Variants in FLVCR1 observed in about 807,000 individuals in gnomAD.
The protein encoded by FLVCR1 is choline/ethanolamine transporter FLVCR1.
In FLVCR1, 34 loss-of-function variants were observed where a neutral mutation model predicts 53.6. The ratio of observed to expected loss-of-function variants is 0.63; its 90% CI spans 0.48 to 0.84. The LOEUF is 0.84. FLVCR1 is among the 40% of genes least tolerant of loss of function. The probability of loss-of-function intolerance (pLI) is 0.00; values close to 1 mark genes in which losing one functional copy is unlikely to be tolerated. For synonymous variants in FLVCR1, 300 were observed against 286.3 expected (o/e 1.05, Z -0.48); for missense variants, 677 against 696.7 (o/e 0.97, Z 0.32).
chr1:212,898,872 C>T lies in FLVCR1; in HGVS notation c.*3582C>T, dbSNP rs2102581843. Reference sequence around the variant, plus strand: ...ATGGTACTGTATTGAATACTGTAGGCAACTGTAACACAATGGTATCTGTGT... The same window carrying T: ...ATGGTACTGTATTGAATACTGTAGGTAACTGTAACACAATGGTATCTGTGT... On this transcript the variant is annotated 3_prime_UTR_variant, in exon 10 of 10. Transcript: ENST00000366971. 6.6e-6 allele frequency: 1 copy of T among 152,286 alleles called. No individual in the cohort carries two copies. Among genetic ancestry groups the T allele is most frequent in the South Asian group, 2.1e-4 (1 of 4,832 alleles). The allele number at this position is 152,286 out of a possible 1,614,324, so 9.4% of individuals were successfully genotyped here.
At position 212,865,485 on chromosome 1, in the gene FLVCR1, A is replaced by ATTTTTTTTTTTTT. The variant is rs58544929; in HGVS notation, c.883+1619_883+1631dup. Among the ~76,000 whole-genome samples, 376 of 133,518 alleles carry ATTTTTTTTTTTTT rather than the reference A, an allele frequency of 2.8e-3. 4 individuals carry two copies. The highest frequency in any genetic ancestry group is 4.1e-3 in the East Asian group (18 of 4,408). 87.6% of individuals were successfully genotyped at this position (133,518 alleles called of 152,430 possible). Reference sequence around the variant, plus strand: ...AATGGACCTTCCATTTGCAATAGGGATTTTTTTTTTTTTTTGAGACAGAGT... The same window carrying ATTTTTTTTTTTTT: ...AATGGACCTTCCATTTGCAATAGGGATTTTTTTTTTTTTTTTTTTTTTTTTTTTGAGACAGAGT... On this transcript the variant is annotated intron_variant, in intron 2 of 9. Coordinates refer to ENST00000366971, the MANE Select transcript of FLVCR1 (RefSeq NM_014053.4).
chr1:212,878,468 G>A (rs1038269171), intron 3 of FLVCR1, among the ~76,000 whole-genome samples: 3 of 148,356 alleles, frequency 2.0e-5, no homozygotes, highest in African/African-American at 5.0e-5. Flanking sequence ...CAGTAAGTCC[G>A]CTTGCAGTGA....
At chr1:212,867,312 A>G (rs1664467156) in intron 2 of FLVCR1, among the ~76,000 whole-genome samples, 1 of 152,230 alleles carries the variant, frequency 6.6e-6, no homozygotes, top group Admixed American at 6.5e-5. Flanking sequence ...ACTCTATTAT[A>G]GCCTCAAACA....
chr1:212,885,821 G>A (rs1441352373), intron 5 of FLVCR1, among the ~76,000 whole-genome samples: 3 of 151,960 alleles, frequency 2.0e-5, no homozygotes, highest in Non-Finnish European at 4.4e-5. Context: ...AAAGTGCTGG[G>A]ATTACAGGCG....
rs2201603 is a variant in FLVCR1, at chr1:212,858,367, C to T, written c.-86C>T. 0.53 allele frequency: 676,022 copies of T among 1,282,922 alleles called. 181,883 individuals are homozygous for T. Among genetic ancestry groups the T allele is most frequent in the East Asian group, 0.55 (20,494 of 37,212 alleles). The allele number at this position is 1,282,922 out of a possible 1,614,324, so 79.5% of individuals were successfully genotyped here. On this transcript the variant is annotated 5_prime_UTR_variant, in exon 1 of 10. Coordinates refer to ENST00000366971, the MANE Select transcript of FLVCR1 (RefSeq NM_014053.4). Reference sequence around the variant, plus strand: ...GTGGGCCGAGGGGTTGGAGGTGGGGCCCCAGGAGGACCTCGGGCTGTGGGC... The same window carrying T: ...GTGGGCCGAGGGGTTGGAGGTGGGGTCCCAGGAGGACCTCGGGCTGTGGGC...
At chr1:212,862,258 C>T (rs1489085977) in intron 1 of FLVCR1, among the ~76,000 whole-genome samples, 1 of 152,194 alleles carries the variant, frequency 6.6e-6, no homozygotes, top group Non-Finnish European at 1.5e-5. Context: ...ACTGTTACTT[C>T]TGTCTAGTTT....
intron 3 of FLVCR1, 91 bp downstream of exon 3, chr1:212,872,909 A>G (rs75978874): frequency 1.0e-4 from 146 of 1,392,140 alleles, no homozygotes; most frequent in Middle Eastern, 1.8e-4. Context: ...TTGAACTTCA[A>G]TGAGATTGGC....
chr1:212,893,711 CA>C (rs1477455956), intron 8 of FLVCR1, among the ~76,000 whole-genome samples: 1 of 152,202 alleles, frequency 6.6e-6, no homozygotes, highest in Non-Finnish European at 1.5e-5. Context: ...CCTCCACCAG[CA>C]AAAAGATAAC....
intron 2 of FLVCR1, among the ~76,000 whole-genome samples, chr1:212,868,500 G>C (rs1008678595): frequency 9.2e-5 from 14 of 152,134 alleles, no homozygotes; most frequent in Middle Eastern, 3.2e-3. Flanking sequence ...CGCAACCTCT[G>C]CCTCCCGGAT....
intron 1 of FLVCR1, among the ~76,000 whole-genome samples, chr1:212,861,521 A>G (rs948059705): frequency 6.6e-6 from 1 of 152,156 alleles, no homozygotes; most frequent in Non-Finnish European, 1.5e-5. Flanking sequence ...AGTCCCTTTC[A>G]TTCTGAAGAG....
At chr1:212,866,380 C>A (rs554590183) in intron 2 of FLVCR1, among the ~76,000 whole-genome samples, 1 of 152,160 alleles carries the variant, frequency 6.6e-6, no homozygotes, top group Non-Finnish European at 1.5e-5. Flanking sequence ...CTCGGCCTCC[C>A]AAAGGGCTGG....
At chr1:212,889,755 C>CAAAAAAAA (rs386369572) in intron 8 of FLVCR1, among the ~76,000 whole-genome samples, 2 of 111,612 alleles carry the variant, frequency 1.8e-5, no homozygotes, top group Non-Finnish European at 3.5e-5. Flanking sequence ...GACTCTGTCT[C>CAAAAAAAA]AAAAAAAAAA....
intron 3 of FLVCR1, among the ~76,000 whole-genome samples, chr1:212,874,267 C>T (rs1276155063): frequency 6.6e-6 from 1 of 152,086 alleles, no homozygotes; most frequent in Non-Finnish European, 1.5e-5. Flanking sequence ...CCTTGGCCTC[C>T]GAAAGTGCGG....
chr1:212,896,659 A>G lies in FLVCR1; in HGVS notation c.*1369A>G, dbSNP rs1665341732. 1 of 152,096 alleles carries G rather than the reference A, an allele frequency of 6.6e-6. No homozygotes were observed. The highest frequency in any genetic ancestry group is 2.4e-5 in the African/African-American group (1 of 41,400). 9.4% of individuals were successfully genotyped at this position (152,096 alleles called of 1,614,324 possible). On this transcript the variant is annotated 3_prime_UTR_variant, in exon 10 of 10. Coordinates refer to ENST00000366971, the MANE Select transcript of FLVCR1 (RefSeq NM_014053.4). ...CCCAAAAAAGCTAGTCAGGTAATGA[A>G]TACCCTTGAAGTGAATAGCAATTTT...
chr1:212,865,979 TGG>T (rs1491250306), intron 2 of FLVCR1, among the ~76,000 whole-genome samples: 2,067 of 82,170 alleles, frequency 0.025, 42 homozygotes, highest in Middle Eastern at 0.047. Context: ...TTTTGGGGTT[TGG>T]TTTTTTTTTT....
rs1665386441 is a variant in FLVCR1, at chr1:212,898,116, A to G, written c.*2826A>G. On this transcript the variant is annotated 3_prime_UTR_variant, in exon 10 of 10. Coordinates refer to ENST00000366971, the MANE Select transcript of FLVCR1 (RefSeq NM_014053.4). ...TCTCTGGGCAGCGTTTTCCTCATCC[A>G]TGAAATGAATGTGTTCAATTTGATC... 2 of 152,160 alleles carry G rather than the reference A, an allele frequency of 1.3e-5. No homozygotes were observed. The allele number at this position is 152,160 out of a possible 1,614,324, so 9.4% of individuals were successfully genotyped here.
At chr1:212,861,421 A>G (rs905457059) in intron 1 of FLVCR1, among the ~76,000 whole-genome samples, 1 of 152,130 alleles carries the variant, frequency 6.6e-6, no homozygotes. Flanking sequence ...TGCTCCCCCA[A>G]AGTACTCTCT....
At chr1:212,861,997 A>G (rs1191727425) in intron 1 of FLVCR1, among the ~76,000 whole-genome samples, 4 of 152,142 alleles carry the variant, frequency 2.6e-5, no homozygotes, top group African/African-American at 7.2e-5. Context: ...AAGGGAGCAA[A>G]TGAAATATTT....
intron 3 of FLVCR1, among the ~76,000 whole-genome samples, chr1:212,878,984 G>A (rs1223580232): frequency 8.6e-6 from 1 of 115,908 alleles, no homozygotes; most frequent in Admixed American, 7.8e-5. Flanking sequence ...GTGAGATCCT[G>A]TCTCAAAAAA....
Sources: allele counts gnomAD v4.1 joint callset (sites outside exome capture counted in the v4.1 genomes callset), GRCh38; gene constraint gnomAD v4.1.1; transcripts MANE v1.5; gene names NCBI Gene and HGNC (gene_info 2026-07-23, HGNC 2026-07-21).